The following INCENP variants were observed in gnomAD, a reference collection of about 807,000 sequenced individuals.
INCENP encodes the protein binds and activates aurora-B and -C in vivo and in vitro.
In INCENP, 43 loss-of-function variants were observed where a neutral mutation model predicts 107.3. That is an observed-to-expected ratio of 0.40 (90% CI 0.31 to 0.52). The LOEUF is 0.52. Ranked by LOEUF, INCENP falls within the 20% of genes least tolerant of loss-of-function variation. INCENP has a pLI of 0.53. For synonymous variants in INCENP, 488 were observed against 494.4 expected, an observed-to-expected ratio of 0.99 and a Z score of 0.17; for missense variants, 1,089 against 1,250.9, an observed-to-expected ratio of 0.87 and a Z score of 1.95.
rs750096723 is a variant in INCENP at position 62,145,708 on chromosome 11, G to A, written c.1916G>A (p.Arg639Lys). 4 of 1,559,504 alleles carry A rather than the reference G, an allele frequency of 2.6e-6. No individual in the cohort carries two copies. The East Asian group carries it at 9.6e-5, about 37-fold the overall frequency. Residue 639 changes from arginine to lysine, a missense_variant, in exon 14 of 19, where the codon AGG becomes AAG. Coordinates refer to ENST00000394818, the MANE Select transcript of INCENP (RefSeq NM_001040694.2). ...AAGATGGAGGAGGTGGAAGCACGCA[G>A]GAAGCAGGAAGAGGAGGCACGTAGG... ...AKKMEEVEAR[R>K]KQEEEARRLR...
At chr11:62,131,962 G>GT (rs1943903171) in intron 4 of INCENP, among the ~76,000 whole-genome samples, 1 of 151,838 alleles carries the variant, frequency 6.6e-6, no homozygotes, top group South Asian at 2.1e-4. Flanking sequence ...TTGTGTTTTT[G>GT]TTTTTTAGTA....
intron 11 of INCENP, chr11:62,141,759 T>G: frequency 1.7e-6 from 1 of 594,774 alleles, no homozygotes; most frequent in Non-Finnish European, 3.0e-6. Flanking sequence ...GGGGTGTGGC[T>G]TTTCACCAGG....
chr11:62,148,550 A>G lies in INCENP; in HGVS notation c.2279A>G (p.Lys760Arg). 6.2e-7 allele frequency: 1 copy of G among 1,605,972 alleles called. No individual in the cohort carries two copies. The highest frequency in any genetic ancestry group is 1.1e-5 in the South Asian group (1 of 89,052). ...QLQRELEEKK[K>R]KEEQQRLAER... ...CAGAGGGAACTGGAGGAGAAGAAGA[A>G]GAAGGTGAGGGGAGCTGGGTTGCGG... Residue 760 changes from lysine to arginine, a missense_variant, in exon 16 of 19, where the codon AAG (lysine) becomes AGG (arginine). Physicochemically the swap from Lys to Arg is conservative, Grantham distance 26 (BLOSUM62 2). Transcript: ENST00000394818.
intron 11 of INCENP, among the ~76,000 whole-genome samples, chr11:62,142,093 G>A (rs1165625334): frequency 6.6e-6 from 1 of 152,202 alleles, no homozygotes; most frequent in Non-Finnish European, 1.5e-5. Flanking sequence ...AGCCAGGCAG[G>A]CCCTGAGCAA....
In INCENP at chr11:62,146,720, G is replaced by T; in HGVS notation, c.2022G>T (p.Arg674=). 6.4e-7 allele frequency: 1 copy of T among 1,550,626 alleles called. No homozygotes were observed. The highest frequency in any genetic ancestry group is 1.2e-5 in the South Asian group (1 of 84,012). ...LQKKKEEEQE[R]LRKAAEAKRL... Reference sequence around the variant, plus strand: ...AGAAGAAGGAAGAGGAGCAGGAGCGGCTGCGGAAGGCGGCCGAGGCTAAGC... The same window carrying T: ...AGAAGAAGGAAGAGGAGCAGGAGCGTCTGCGGAAGGCGGCCGAGGCTAAGC... The change falls in exon 15 of 19, where the codon CGG becomes CGT. Residue 674 remains arginine (R), a synonymous_variant. Coordinates refer to ENST00000394818, the MANE Select transcript of INCENP (RefSeq NM_001040694.2).
At chr11:62,133,698 C>T (rs749303092) in intron 4 of INCENP, among the ~76,000 whole-genome samples, 4 of 152,164 alleles carry the variant, frequency 2.6e-5, no homozygotes, top group Non-Finnish European at 4.4e-5. Context: ...TCAGGGAGCA[C>T]GTGAGCTGGG....
Position 62,145,704 on chromosome 11 carries a change from C to A in INCENP, c.1912C>A (p.Arg638Ser), listed in dbSNP as rs761365494. ...CAAGAAGATGGAGGAGGTGGAAGCA[C>A]GCAGGAAGCAGGAAGAGGAGGCACG... ...AAKKMEEVEA[R>S]RKQEEEARRL... Residue 638 changes from arginine to serine, a missense_variant, in exon 14 of 19, where the codon CGC (arginine) becomes AGC (serine). Physicochemically the swap from Arg to Ser is moderately radical, Grantham distance 110. Coordinates refer to ENST00000394818, the MANE Select transcript of INCENP (RefSeq NM_001040694.2). 1.3e-6 allele frequency: 2 copies of A among 1,561,652 alleles called. No homozygotes were observed. Among genetic ancestry groups the A allele is most frequent in the South Asian group, 2.4e-5 (2 of 84,692 alleles).
chr11:62,126,558 A>G (rs12362624), intron 1 of INCENP, among the ~76,000 whole-genome samples: 37,780 of 152,084 alleles, frequency 0.25, 6,116 homozygotes, highest in Middle Eastern at 0.41. Context: ...TGAGGCATGC[A>G]GTTTGTTGTT....
chr11:62,146,028 G>A (rs1374128375), intron 14 of INCENP, among the ~76,000 whole-genome samples: 2 of 152,216 alleles, frequency 1.3e-5, no homozygotes, highest in Admixed American at 6.5e-5. Flanking sequence ...ACTTTCTACA[G>A]GCTGCTTGAC....
In INCENP at chr11:62,140,283, C is replaced by A; in HGVS notation, c.1341C>A (p.Ala447=). 6.2e-7 allele frequency: 1 copy of A among 1,613,516 alleles called. No homozygotes were observed. Among genetic ancestry groups the A allele is most frequent in the South Asian group, 1.1e-5 (1 of 91,062 alleles). ...ADGPREPPQS[A]RRKRSYKQAV... is the part of the protein sequence containing the mutation. ...GACCCAGAGAGCCACCGCAGAGTGC[C>A]AGGTTTGCATCCGGGAAGGGGTGTG... Residue 447 remains alanine, a splice_region_variant and synonymous_variant, in exon 8 of 19, where the codon GCC becomes GCA. Transcript: ENST00000394818.
chr11:62,125,999 A>G lies in INCENP; in HGVS notation c.-12+1836A>G, dbSNP rs150982703. 6.2e-4 allele frequency among the ~76,000 whole-genome samples: 95 copies of G among 152,318 alleles called. 1 individual carries two copies. The highest frequency in any genetic ancestry group is 3.3e-3 in the East Asian group (17 of 5,170). On this transcript the variant is annotated intron_variant, in intron 1 of 18. Transcript: ENST00000394818. ...ATCCAAGCCATGAGGAGTGAGCCAT[A>G]CAAAATGTGAGACAATGTTCCAGAC...
At chr11:62,137,756 C>G in intron 4 of INCENP, 76 bp from the exon 5 acceptor site, 4 of 1,378,582 alleles carry the variant, frequency 2.9e-6, no homozygotes, top group Non-Finnish European at 4.1e-6. Context: ...TGCTGGAACC[C>G]GGTCCCCTGG....
intron 11 of INCENP, among the ~76,000 whole-genome samples, chr11:62,142,884 C>G (rs1277595555): frequency 6.6e-6 from 1 of 152,200 alleles, no homozygotes; most frequent in Admixed American, 6.5e-5. Flanking sequence ...CCTGGGCGTT[C>G]GTCAATAACC....
intron 17 of INCENP, among the ~76,000 whole-genome samples, 179 bp from the exon 18 acceptor site, chr11:62,149,878 C>T (rs889138511): frequency 1.3e-5 from 2 of 152,176 alleles, no homozygotes; most frequent in South Asian, 2.1e-4. Context: ...GCCGAGATCA[C>T]ACCACTGCAC....
At position 62,150,099 on chromosome 11, in the gene INCENP, A is replaced by G. The variant is rs779958601; in HGVS notation, c.2434A>G (p.Arg812Gly). 1.1e-5 allele frequency: 18 copies of G among 1,614,028 alleles called. No individual in the cohort carries two copies. The highest frequency in any genetic ancestry group is 8.9e-5 in the East Asian group (4 of 44,862). ...ATATCAGATGACTCCGCAAGGGCAC[A>G]GGGCCCCTCCCAAGATCAACCCAGA... ...TSYQMTPQGH[R>G]APPKINPDNY... Residue 812 changes from arginine to glycine, a missense_variant, in exon 18 of 19, where the codon AGG becomes GGG. Physicochemically the swap from Arg to Gly is moderately radical, Grantham distance 125. Transcript: ENST00000394818.
chr11:62,128,094 G>A, intron 1 of INCENP, 57 bp from the exon 2 acceptor site: 1 of 1,585,858 alleles, frequency 6.3e-7, no homozygotes, highest in African/African-American at 1.3e-5. Context: ...CTTGGAGAAA[G>A]CCCCAGACCC....
At chr11:62,141,809 C>T (rs1944129737) in intron 11 of INCENP, 2 of 530,682 alleles carry the variant, frequency 3.8e-6, no homozygotes, top group East Asian at 6.7e-5. Flanking sequence ...CCTTCCCTCC[C>T]TCCTCCCCTG....
chr11:62,147,138 C>T (rs535124140), intron 15 of INCENP, among the ~76,000 whole-genome samples: 2 of 152,302 alleles, frequency 1.3e-5, no homozygotes, highest in East Asian at 1.9e-4. Flanking sequence ...GTGCTGACCT[C>T]TTAGGTGTCT....
At chr11:62,144,859 A>G in intron 11 of INCENP, 123 bp from the exon 12 acceptor site, 1 of 879,298 alleles carries the variant, frequency 1.1e-6, no homozygotes, top group Non-Finnish European at 1.9e-6. Flanking sequence ...CCTCTGCCTA[A>G]GAAGCATTCT....
Sources: gnomAD v4.1 joint callset for allele counts (sites outside exome capture counted in the v4.1 genomes callset) on GRCh38, gnomAD v4.1.1 for gene constraint, MANE v1.5 for transcripts, NCBI Gene and HGNC (gene_info 2026-07-23, HGNC 2026-07-21) for gene names.